The following ADAMTS2 variants were observed in gnomAD, a reference collection of about 807,000 sequenced individuals.
ADAMTS2 encodes the protein ADAM metallopeptidase with thrombospondin type 1 motif 2, also known as A disintegrin and metalloproteinase with thrombospondin motifs 2.
Under a neutral mutation model 123.0 loss-of-function variants are expected in ADAMTS2, and 50 were observed. The observed-to-expected ratio is 0.41, with a 90% CI of 0.32 to 0.51. The LOEUF is 0.51. ADAMTS2 is among the 20% of genes least tolerant of loss of function. The pLI is 0.35. For synonymous variants in ADAMTS2, 678 were observed against 695.4 expected (o/e 0.98, Z 0.39); for missense variants, 1,494 against 1,705.2 (o/e 0.88, Z 2.18).
chr5:179,137,685 C>T, intron 12 of ADAMTS2, 84 bp downstream of exon 12: 1 of 1,512,110 alleles, frequency 6.6e-7, no homozygotes, highest in Non-Finnish European at 8.9e-7. Context: ...TTGCCCCATG[C>T]AGGATCAGAG....
chr5:179,251,378 C>A (rs762893032), intron 3 of ADAMTS2, among the ~76,000 whole-genome samples: 2 of 152,066 alleles, frequency 1.3e-5, no homozygotes, highest in Non-Finnish European at 2.9e-5. Context: ...TACTCTGCCA[C>A]CAAAAAAGCA....
rs146295427 is a variant in ADAMTS2, at chr5:179,189,510, G to GTTTTTTTT, written c.892-8363_892-8356dup. 5.1e-5 allele frequency among the ~76,000 whole-genome samples: 4 copies of GTTTTTTTT among 78,954 alleles called. No individual in the cohort carries two copies. The highest frequency in any genetic ancestry group is 1.7e-4 in the Admixed American group (1 of 5,808). The allele number at this position is 78,954 out of a possible 152,430, so 51.8% of individuals were successfully genotyped here. On this transcript the variant is annotated intron_variant, in intron 4 of 21. Coordinates refer to ENST00000251582, the MANE Select transcript of ADAMTS2 (RefSeq NM_014244.5). This position sits in a 1 kb window ranked among gnomAD's most constrained non-coding sequence, Gnocchi z 4.2. ...CTACAGGCGCCCGCCAGTGCGCCTG[G>GTTTTTTTT]TTTTTTTTTTTTTTTTTTTTTTTTT...
chr5:179,135,799 C>G, intron 13 of ADAMTS2, 110 bp downstream of exon 13: 1 of 1,502,952 alleles, frequency 6.7e-7, no homozygotes, highest in South Asian at 1.2e-5. Flanking sequence ...TCTGACACTT[C>G]GTATGCTTCA....
intron 10 of ADAMTS2, among the ~76,000 whole-genome samples, chr5:179,150,201 C>A (rs968324447): frequency 4.1e-5 from 6 of 145,778 alleles, no homozygotes; most frequent in African/African-American, 1.5e-4. Context: ...TCCTCCCTGC[C>A]TGGGGTGGGT....
intron 3 of ADAMTS2, among the ~76,000 whole-genome samples, chr5:179,261,358 A>T (rs935782758): frequency 2.6e-5 from 4 of 152,212 alleles, no homozygotes; most frequent in Admixed American, 6.5e-5. Context: ...GAGGATTTGG[A>T]GAAACCAGGA....
At chr5:179,233,669 AGAGT>A (rs1765463623) in intron 3 of ADAMTS2, among the ~76,000 whole-genome samples, 1 of 152,242 alleles carries the variant, frequency 6.6e-6, no homozygotes, top group South Asian at 2.1e-4. Flanking sequence ...CCTGAGTGAT[AGAGT>A]GAGACTCCGT....
In ADAMTS2 at chr5:179,154,203, C is replaced by A; in HGVS notation, c.1239-11G>T. ...TGCTCCATGCCCAGCCTGCGAGGGCCGAGGCAGCTGGCTGAATCCCACTGG... is the reference window on the plus strand; with the variant it reads ...TGCTCCATGCCCAGCCTGCGAGGGCAGAGGCAGCTGGCTGAATCCCACTGG... On this transcript the variant is annotated splice_polypyrimidine_tract_variant and intron_variant, in intron 7 of 21. Coordinates refer to ENST00000251582, the MANE Select transcript of ADAMTS2 (RefSeq NM_014244.5). 6.5e-7 allele frequency: 1 copy of A among 1,546,136 alleles called. No homozygotes were observed. Among genetic ancestry groups the A allele is most frequent in the Middle Eastern group, 1.7e-4 (1 of 5,874 alleles).
chr5:179,229,639 G>A (rs138250263), intron 3 of ADAMTS2, among the ~76,000 whole-genome samples: 207 of 152,162 alleles, frequency 1.4e-3, no homozygotes, highest in Admixed American at 4.4e-3. Flanking sequence ...GCCCAGCCCC[G>A]CAGGAAGCCC....
chr5:179,309,037 C>A (rs536588664), intron 2 of ADAMTS2, among the ~76,000 whole-genome samples: 1 of 152,192 alleles, frequency 6.6e-6, no homozygotes, highest in Non-Finnish European at 1.5e-5. Flanking sequence ...CTGGCAGCCC[C>A]GTGCCTCCTG....
chr5:179,215,936 T>C (rs1190230089), intron 3 of ADAMTS2, among the ~76,000 whole-genome samples: 1 of 152,170 alleles, frequency 6.6e-6, no homozygotes, highest in East Asian at 1.9e-4. Flanking sequence ...TCCAGACACA[T>C]TCCCCATCAA....
At chr5:179,247,653 C>A (rs1439101053) in intron 3 of ADAMTS2, among the ~76,000 whole-genome samples, 1 of 152,086 alleles carries the variant, frequency 6.6e-6, no homozygotes, top group African/African-American at 2.4e-5. Context: ...GCCACATATA[C>A]AAGGGCTCTC....
intron 5 of ADAMTS2, among the ~76,000 whole-genome samples, chr5:179,171,941 A>G (rs1581167286): frequency 1.3e-5 from 2 of 152,000 alleles, no homozygotes; most frequent in African/African-American, 4.8e-5. Context: ...ACCCCTCACA[A>G]CCCAGCACTG....
rs1762575927 is a variant in ADAMTS2 at position 179,112,058 on chromosome 5, G to A, written c.*1809C>T. ...CATCAGCCCAGATTCCGTTCTTGCT[G>A]GTTCCTACATCGTCATTTTGTCCCT... is the stretch of plus-strand genomic sequence containing the variant. On this transcript the variant is annotated 3_prime_UTR_variant, in exon 22 of 22. Coordinates refer to ENST00000251582, the MANE Select transcript of ADAMTS2 (RefSeq NM_014244.5). The A allele has an allele frequency of 6.6e-6, 1 of 152,292 alleles. No homozygotes were observed. The allele number at this position is 152,292 out of a possible 1,614,324, so 9.4% of individuals were successfully genotyped here.
intron 5 of ADAMTS2, among the ~76,000 whole-genome samples, chr5:179,163,632 C>G (rs954175166): frequency 3.3e-5 from 5 of 152,344 alleles, no homozygotes; most frequent in Non-Finnish European, 7.3e-5. Context: ...TCCACTCTGG[C>G]CGATCACCTC....
Position 179,333,380 on chromosome 5 carries a change from C to T in ADAMTS2, c.534+10387G>A, listed in dbSNP as rs147918787. Among the ~76,000 whole-genome samples the T allele has an allele frequency of 8.5e-4, 129 of 152,270 alleles. 5 individuals are homozygous for T. In the East Asian group the frequency reaches 0.018, roughly 21 times the overall value. On this transcript the variant is annotated intron_variant, in intron 2 of 21. Coordinates refer to ENST00000251582, the MANE Select transcript of ADAMTS2 (RefSeq NM_014244.5). ...CCCCACAGCCCTCGCTAGTGAGCAC[C>T]CGTCATGCTGTACAAAAGACTCTCC...
At chr5:179,250,421 T>C (rs2113467635) in intron 3 of ADAMTS2, among the ~76,000 whole-genome samples, 1 of 152,314 alleles carries the variant, frequency 6.6e-6, no homozygotes, top group South Asian at 2.1e-4. Context: ...GGGTTTCTTT[T>C]GGGAGCAATG....
chr5:179,343,654 C>A (rs1336677277), intron 2 of ADAMTS2, 113 bp downstream of exon 2: 1 of 1,399,438 alleles, frequency 7.1e-7, no homozygotes, highest in East Asian at 2.5e-5. Flanking sequence ...ACGGGAAGGG[C>A]GCGGAAAGTC....
Position 179,202,981 on chromosome 5 carries a change from G to A in ADAMTS2, c.891+4532C>T, listed in dbSNP as rs1274932191. On this transcript the variant is annotated intron_variant, in intron 4 of 21. Coordinates refer to ENST00000251582, the MANE Select transcript of ADAMTS2 (RefSeq NM_014244.5). The surrounding 1 kb of genome is among the most constrained non-coding windows in gnomAD (Gnocchi z 4.0). ...AGGGGAGCACAGGGGTGATCGATGA[G>A]GCTGAACTGCCTGTGCCACCCCTGG... 1.3e-5 allele frequency among the ~76,000 whole-genome samples: 2 copies of A among 152,214 alleles called. No individual in the cohort carries two copies. The highest frequency in any genetic ancestry group is 2.9e-5 in the Non-Finnish European group (2 of 68,036).
intron 4 of ADAMTS2, 49 bp downstream of exon 4, chr5:179,207,464 C>G (rs1561805283): frequency 1.3e-6 from 2 of 1,566,040 alleles, no homozygotes; most frequent in East Asian, 2.3e-5. Context: ...TGCCCAGCCC[C>G]TGGTTGACCC....
Sources: gnomAD v4.1 joint callset for allele counts (sites outside exome capture counted in the v4.1 genomes callset) on GRCh38, gnomAD v4.1.1 for gene constraint, Gnocchi (gnomAD v3.1) non-coding constraint, MANE v1.5 for transcripts, NCBI Gene and HGNC (gene_info 2026-07-23, HGNC 2026-07-21) for gene names.